The following DIAPH3 variants were observed in gnomAD, a reference collection of about 807,000 sequenced individuals.
DIAPH3 encodes the protein protein diaphanous homolog 3.
DIAPH3 carries 117 observed loss-of-function variants against 144.3 expected under a neutral mutation model. The observed-to-expected ratio is 0.81, with a 90% CI of 0.70 to 0.95. The LOEUF is 0.95. Among genes scored for constraint, DIAPH3 ranks in the 40% least tolerant of loss-of-function variants. DIAPH3 has a pLI of 0.00. For synonymous variants in DIAPH3, 519 were observed against 488.9 expected, an observed-to-expected ratio of 1.06 and a Z score of -0.81; for missense variants, 1,421 against 1,412.7, an observed-to-expected ratio of 1.01 and a Z score of -0.09.
chr13:60,069,879 C>A (rs540864860), intron 4 of DIAPH3, among the ~76,000 whole-genome samples: 4 of 152,118 alleles, frequency 2.6e-5, no homozygotes, highest in Non-Finnish European at 5.9e-5. Context: ...GTTACTGTAG[C>A]CTTGTAGTAT....
intron 9 of DIAPH3, among the ~76,000 whole-genome samples, chr13:59,996,872 C>T (rs903623335): frequency 1.2e-4 from 19 of 152,020 alleles, no homozygotes; most frequent in African/African-American, 4.1e-4. Context: ...AAGTGGCTTT[C>T]TGCCCTTGAA....
intron 17 of DIAPH3, among the ~76,000 whole-genome samples, chr13:59,963,636 G>A (rs900496394): frequency 1.3e-5 from 2 of 151,658 alleles, no homozygotes; most frequent in African/African-American, 4.8e-5. Flanking sequence ...GTATGTAATG[G>A]GGGGGAGGGG....
At position 59,974,373 on chromosome 13, in the gene DIAPH3, C is replaced by A. The variant is rs1261795072; in HGVS notation, c.1629G>T (p.Glu543Asp). The change falls in exon 15 of 28, where the codon GAG becomes GAT. Residue 543 changes from glutamate (E) to aspartate (D), a missense_variant. Glu to Asp is a conservative substitution (Grantham distance 45). Coordinates refer to ENST00000400324, the MANE Select transcript of DIAPH3 (RefSeq NM_001042517.2). ...TTACCTGAGACTTAAAAGCTTGTAG[C>A]TCTGCTTGAAGCTCATTAATCTTTG... Reference protein sequence around the residue: ...KEAKINELQAELQAFKSQFGA... With the variant: ...KEAKINELQADLQAFKSQFGA... 1 of 1,612,298 alleles carries A rather than the reference C, an allele frequency of 6.2e-7. No homozygotes were observed. The highest frequency in any genetic ancestry group is 8.5e-7 in the Non-Finnish European group (1 of 1,179,476).
intron 25 of DIAPH3, among the ~76,000 whole-genome samples, chr13:59,777,555 A>G (rs555355383): frequency 3.9e-4 from 59 of 152,308 alleles, no homozygotes; most frequent in African/African-American, 1.3e-3. Context: ...ATATAGAGAA[A>G]TCTGGTAGAT....
intron 1 of DIAPH3, among the ~76,000 whole-genome samples, chr13:60,156,922 T>TATAC (rs1952049015): frequency 2.1e-5 from 1 of 46,726 alleles, no homozygotes. Flanking sequence ...ATCCTTCATA[T>TATAC]ATATATATAT....
intron 5 of DIAPH3, chr13:60,020,989 T>G (rs2053976960): frequency 6.6e-6 from 1 of 152,148 alleles, no homozygotes; most frequent in East Asian, 1.9e-4. Context: ...GAAAGCTGTA[T>G]CAGAGATAAA....
At chr13:60,145,644 G>A (rs543340871) in intron 1 of DIAPH3, among the ~76,000 whole-genome samples, 44 of 152,262 alleles carry the variant, frequency 2.9e-4, no homozygotes, top group South Asian at 1.4e-3. Context: ...GCGAGACTCC[G>A]TCTCAAAAAA....
chr13:59,687,786 G>C (rs1276405161), intron 27 of DIAPH3, among the ~76,000 whole-genome samples: 1 of 152,016 alleles, frequency 6.6e-6, no homozygotes, highest in Non-Finnish European at 1.5e-5. Flanking sequence ...AGAAGTACAG[G>C]CAGGACAACC....
intron 4 of DIAPH3, among the ~76,000 whole-genome samples, chr13:60,043,928 TCA>T (rs2055876520): frequency 6.6e-6 from 1 of 152,072 alleles, no homozygotes. Context: ...AAAGAAAGCC[TCA>T]CAGAGAAGAC....
chr13:60,094,969 GA>G (rs1388122183), intron 3 of DIAPH3, among the ~76,000 whole-genome samples: 4 of 152,166 alleles, frequency 2.6e-5, no homozygotes, highest in African/African-American at 9.7e-5. Flanking sequence ...GCTAGTGAGA[GA>G]AGGCTCAATA....
At chr13:60,124,276 C>T (rs529810762) in intron 2 of DIAPH3, among the ~76,000 whole-genome samples, 4 of 152,148 alleles carry the variant, frequency 2.6e-5, no homozygotes, top group South Asian at 2.1e-4. Flanking sequence ...CCCATTACCC[C>T]GGGAACTTTG....
intron 17 of DIAPH3, among the ~76,000 whole-genome samples, chr13:59,956,314 C>T (rs978567981): frequency 3.3e-5 from 5 of 152,258 alleles, no homozygotes; most frequent in East Asian, 1.9e-4. Flanking sequence ...ATTTCGTAGG[C>T]GGGCCAGGGC....
At chr13:60,043,333 A>C (rs780297755) in intron 4 of DIAPH3, among the ~76,000 whole-genome samples, 1 of 152,232 alleles carries the variant, frequency 6.6e-6, no homozygotes, top group Non-Finnish European at 1.5e-5. Context: ...TTTACAGTCT[A>C]GTTCCTGTAA....
At chr13:59,829,652 T>C (rs2041670524) in intron 24 of DIAPH3, among the ~76,000 whole-genome samples, 2 of 151,940 alleles carry the variant, frequency 1.3e-5, no homozygotes, top group Non-Finnish European at 2.9e-5. Context: ...TTATCTATTA[T>C]ATGCCATGAA....
intron 24 of DIAPH3, among the ~76,000 whole-genome samples, chr13:59,811,233 T>C (rs2040456374): frequency 1.3e-5 from 2 of 151,978 alleles, no homozygotes; most frequent in Non-Finnish European, 2.9e-5. Context: ...AATTCACAAA[T>C]CAAAACTGTT....
chr13:60,071,997 T>A (rs2057225346), intron 4 of DIAPH3, among the ~76,000 whole-genome samples: 1 of 152,094 alleles, frequency 6.6e-6, no homozygotes, highest in East Asian at 1.9e-4. Context: ...TCACTGCTAA[T>A]CACCAAACAT....
At chr13:59,898,330 A>G (rs1420894892) in intron 20 of DIAPH3, among the ~76,000 whole-genome samples, 1 of 152,160 alleles carries the variant, frequency 6.6e-6, no homozygotes, top group Middle Eastern at 3.2e-3. Context: ...ATTGAAAGAT[A>G]GTAAGAAACT....
intron 17 of DIAPH3, among the ~76,000 whole-genome samples, chr13:59,967,245 A>AT (rs1388950576): frequency 6.7e-5 from 10 of 149,612 alleles, no homozygotes; most frequent in East Asian, 5.9e-4. Flanking sequence ...TTTTTTTTTA[A>AT]TTTTTTTTAG....
chr13:60,144,809 C>T (rs539267291), intron 1 of DIAPH3: 1 of 152,362 alleles, frequency 6.6e-6, no homozygotes, highest in South Asian at 2.1e-4. Flanking sequence ...CTGAGAAAAG[C>T]TGTCAGCTTT....
Sources: allele counts gnomAD v4.1 joint callset (sites outside exome capture counted in the v4.1 genomes callset), GRCh38; gene constraint gnomAD v4.1.1; transcripts MANE v1.5; gene names NCBI Gene and HGNC (gene_info 2026-07-23, HGNC 2026-07-21).